The following GET1 variants were observed in gnomAD, a reference collection of about 807,000 sequenced individuals.
The protein encoded by GET1 is guided entry of tail-anchored proteins factor 1, also known as congenital heart disease 5 protein.
Under a neutral mutation model 22.6 loss-of-function variants are expected in GET1, and 20 were observed. The observed-to-expected ratio is 0.89, with a 90% CI of 0.62 to 1.29. The LOEUF (loss-of-function observed/expected upper bound fraction) is 1.29. Ranked by LOEUF, GET1 falls within the 50% of genes most tolerant of loss-of-function variation. GET1 has a pLI of 0.00. For missense variants in GET1, 209 were observed against 219.9 expected (o/e 0.95, Z 0.31); for synonymous variants, 92 against 83.8 (o/e 1.10, Z -0.53).
intron 1 of GET1, among the ~76,000 whole-genome samples, chr21:39,412,153 A>C (rs1339900508): frequency 1.4e-4 from 22 of 152,204 alleles, no homozygotes; most frequent in Middle Eastern, 3.2e-3. Flanking sequence ...TTTAAATGAA[A>C]GTAAAACTAA....
chr21:39,428,048 A>G, intron 1 of GET1: 1 of 657,408 alleles, frequency 1.5e-6, no homozygotes, highest in South Asian at 2.0e-5. Flanking sequence ...AAGTTCACCT[A>G]TAATACACAT....
At chr21:39,420,873 G>T in intron 1 of GET1, 1 of 1,558,070 alleles carries the variant, frequency 6.4e-7, no homozygotes, top group Non-Finnish European at 8.8e-7. Context: ...TAACTATTCT[G>T]CAACCAAGTT....
downstream of GET1, among the ~76,000 whole-genome samples, chr21:39,401,492 C>G (rs2038837800): frequency 6.6e-6 from 1 of 152,134 alleles, no homozygotes; most frequent in Admixed American, 6.6e-5. Context: ...TTTGCGATCC[C>G]CACTGAGTAA....
At chr21:39,411,846 T>C (rs1440697731) in intron 1 of GET1, 2 of 1,078,664 alleles carry the variant, frequency 1.9e-6, no homozygotes, top group Non-Finnish European at 2.8e-6. Context: ...ATGCTTGCTT[T>C]TGTCAACCCT....
chr21:39,388,860 CAG>C (rs893510223), intron 1 of GET1, among the ~76,000 whole-genome samples: 3 of 152,208 alleles, frequency 2.0e-5, no homozygotes, highest in Non-Finnish European at 1.5e-5. Flanking sequence ...GTGCAGGGAA[CAG>C]GGGCCTGCGG....
intron 1 of GET1, 173 bp downstream of exon 1, chr21:39,380,659 A>G: frequency 2.1e-6 from 3 of 1,419,106 alleles, no homozygotes; most frequent in Non-Finnish European, 2.8e-6. Context: ...ACGACGCTTT[A>G]CCCCAAAATC....
chr21:39,410,278 G>C, downstream of GET1: 1 of 1,604,544 alleles, frequency 6.2e-7, no homozygotes, highest in Non-Finnish European at 8.5e-7. Flanking sequence ...GTTGTCAAAG[G>C]TGGAACATCT....
intron 1 of GET1, among the ~76,000 whole-genome samples, chr21:39,389,015 A>G (rs1183471054): frequency 6.6e-6 from 1 of 152,132 alleles, no homozygotes; most frequent in Non-Finnish European, 1.5e-5. Context: ...AATTGAAGCC[A>G]ACACCACAAG....
At chr21:39,394,380 T>C (rs1046446051) in intron 4 of GET1, among the ~76,000 whole-genome samples, 35 of 152,188 alleles carry the variant, frequency 2.3e-4, no homozygotes, top group African/African-American at 8.4e-4. Context: ...TGCTGTGATA[T>C]GTTTTTCTTT....
intron 1 of GET1, among the ~76,000 whole-genome samples, chr21:39,421,084 A>G (rs1471361214): frequency 6.6e-6 from 1 of 151,184 alleles, no homozygotes; most frequent in East Asian, 1.9e-4. Flanking sequence ...ATACTCTAAA[A>G]TTTGATTTAA....
chr21:39,426,185 G>A (rs2074672630), intron 1 of GET1, among the ~76,000 whole-genome samples: 1 of 152,028 alleles, frequency 6.6e-6, no homozygotes, highest in South Asian at 2.1e-4. Context: ...GGGTGGGGAG[G>A]ACAAGCCAGG....
intron 1 of GET1, chr21:39,427,939 A>G (rs2075052931): frequency 3.0e-6 from 1 of 334,316 alleles, no homozygotes; most frequent in Non-Finnish European, 5.5e-6. Flanking sequence ...AGTAGGCTCC[A>G]GTAGGGTAAG....
At chr21:39,380,691 G>C in intron 1 of GET1, 1 of 1,385,222 alleles carries the variant, frequency 7.2e-7, no homozygotes, top group Non-Finnish European at 9.4e-7. Flanking sequence ...GTTCTAGGGG[G>C]TTGGGAGAAA....
intron 1 of GET1, among the ~76,000 whole-genome samples, chr21:39,415,968 T>C (rs917814783): frequency 5.3e-5 from 8 of 152,186 alleles, no homozygotes; most frequent in African/African-American, 1.7e-4. Flanking sequence ...TGTACCTCTG[T>C]CAGGAAGCGC....
intron 1 of GET1, among the ~76,000 whole-genome samples, chr21:39,385,609 A>G (rs1310952654): frequency 6.6e-6 from 1 of 152,250 alleles, no homozygotes; most frequent in Non-Finnish European, 1.5e-5. Flanking sequence ...CCGGCTCTGC[A>G]GCTCTGCGGG....
chr21:39,414,730 C>G (rs1336829636), intron 1 of GET1, among the ~76,000 whole-genome samples: 1 of 113,496 alleles, frequency 8.8e-6, no homozygotes, highest in African/African-American at 3.8e-5. Flanking sequence ...CTCTCTCTCT[C>G]TCTCTCTCTC....
chr21:39,392,813 C>T (rs773363249), intron 3 of GET1: 4 of 211,682 alleles, frequency 1.9e-5, no homozygotes, highest in East Asian at 1.2e-4. Context: ...AAAGCACACC[C>T]GTGTTATGGG....
chr21:39,421,100 C>CTTTTTTTTTT (rs1569094460), intron 1 of GET1, among the ~76,000 whole-genome samples: 1 of 147,238 alleles, frequency 6.8e-6, no homozygotes, highest in African/African-American at 2.5e-5. Context: ...TTTAACAATT[C>CTTTTTTTTTT]GTTTTTTTTT....
downstream of GET1, chr21:39,411,291 G>A (rs180968161): frequency 9.5e-6 from 2 of 209,436 alleles, no homozygotes; most frequent in Admixed American, 1.1e-4. Context: ...GATTGGGGTG[G>A]TGGCTCCATC....
Sources: gnomAD v4.1 joint callset for allele counts (sites outside exome capture counted in the v4.1 genomes callset) on GRCh38, gnomAD v4.1.1 for gene constraint, MANE v1.5 for transcripts, NCBI Gene and HGNC (gene_info 2026-07-23, HGNC 2026-07-21) for gene names.